The following EXT2 variants were observed in gnomAD, a reference collection of about 807,000 sequenced individuals.
EXT2 encodes exostosin-2.
EXT2 carries 53 observed loss-of-function variants against 81.6 expected under a neutral mutation model. The ratio of observed to expected loss-of-function variants is 0.65; its 90% CI spans 0.52 to 0.82. The LOEUF (loss-of-function observed/expected upper bound fraction) is 0.82. Among genes scored for constraint, EXT2 ranks in the 40% least tolerant of loss-of-function variants. The pLI, the probability that EXT2 is intolerant of heterozygous loss-of-function variation, is 0.00. For missense variants in EXT2, 774 were observed against 910.2 expected, an observed-to-expected ratio of 0.85 and a Z score of 1.93; for synonymous variants, 320 against 340.0, an observed-to-expected ratio of 0.94 and a Z score of 0.65.
intron 7 of EXT2, among the ~76,000 whole-genome samples, chr11:44,147,726 A>C (rs7110339): frequency 0.48 from 37,473 of 78,030 alleles, 5,760 homozygotes; most frequent in East Asian, 0.62. Flanking sequence ...ACCCCCAGCT[A>C]ATTTTTTTTT....
At chr11:44,098,565 G>A (rs1465511694) in intron 1 of EXT2, among the ~76,000 whole-genome samples, 2 of 151,880 alleles carry the variant, frequency 1.3e-5, no homozygotes, top group Non-Finnish European at 2.9e-5. Context: ...GATGGTGGTG[G>A]GCGCCTGTAA....
At chr11:44,171,079 A>G (rs539214984) in intron 7 of EXT2, among the ~76,000 whole-genome samples, 2 of 152,338 alleles carry the variant, frequency 1.3e-5, no homozygotes, top group South Asian at 2.1e-4. Context: ...AGAAGAGTAA[A>G]TACTGTTTGA....
chr11:44,106,339 C>T (rs929654264), intron 1 of EXT2, among the ~76,000 whole-genome samples: 2 of 152,022 alleles, frequency 1.3e-5, no homozygotes, highest in Non-Finnish European at 2.9e-5. Context: ...CTCCCTTTGT[C>T]TCTCCTACCC....
chr11:44,127,885 G>A (rs994122740), intron 6 of EXT2, among the ~76,000 whole-genome samples: 4 of 152,198 alleles, frequency 2.6e-5, no homozygotes, highest in African/African-American at 9.6e-5. Flanking sequence ...GTGTACAGAT[G>A]GACCCAGTTC....
At chr11:44,203,786 C>G (rs1482562200) in intron 9 of EXT2, among the ~76,000 whole-genome samples, 1 of 151,336 alleles carries the variant, frequency 6.6e-6, no homozygotes, top group Non-Finnish European at 1.5e-5. Flanking sequence ...AAAAGGCATA[C>G]CAGAACCAGG....
At chr11:44,105,703 C>T (rs147483709) in intron 1 of EXT2, among the ~76,000 whole-genome samples, 16 of 152,310 alleles carry the variant, frequency 1.1e-4, no homozygotes, top group East Asian at 7.7e-4. Context: ...TGCCCTCCCC[C>T]GAAACAGTAT....
At chr11:44,106,427 TGAA>T (rs1407868918) in intron 1 of EXT2, among the ~76,000 whole-genome samples, 1 of 152,232 alleles carries the variant, frequency 6.6e-6, no homozygotes, top group African/African-American at 2.4e-5. Flanking sequence ...ATGTTTTATT[TGAA>T]GATGAAAGAT....
At chr11:44,215,969 C>T (rs182902310) in intron 10 of EXT2, among the ~76,000 whole-genome samples, 147 of 151,688 alleles carry the variant, frequency 9.7e-4, no homozygotes, top group East Asian at 4.5e-3. Context: ...CTCCGCTTCC[C>T]GGGTTCACGC....
intron 6 of EXT2, 103 bp downstream of exon 6, chr11:44,127,058 TAC>T (rs1282518788): frequency 3.5e-6 from 5 of 1,425,352 alleles, no homozygotes; most frequent in Non-Finnish European, 4.9e-6. Context: ...CAAGAACTAC[TAC>T]AGATAGTTTT....
chr11:44,109,728 G>A (rs982528416), intron 3 of EXT2, among the ~76,000 whole-genome samples: 1 of 152,172 alleles, frequency 6.6e-6, no homozygotes, highest in African/African-American at 2.4e-5. Context: ...AATCAGTAGG[G>A]TTCTTTCTGT....
intron 5 of EXT2, among the ~76,000 whole-genome samples, chr11:44,125,357 C>T (rs1954385211): frequency 6.6e-6 from 1 of 152,178 alleles, no homozygotes; most frequent in South Asian, 2.1e-4. Context: ...CAACTTGCAT[C>T]CCTTGACCAT....
chr11:44,171,658 C>T lies in EXT2; in HGVS notation c.1221C>T (p.Ala407=), dbSNP rs1315721028. The part of the protein sequence containing the change: ...EAYFQSIKAI[A]LATLQIINDR... ...ACTTCCAGTCAATTAAAGCCATTGCCCTGGCCACCCTGCAGATTATCAATG... is the reference window on the plus strand; with the variant it reads ...ACTTCCAGTCAATTAAAGCCATTGCTCTGGCCACCCTGCAGATTATCAATG... Residue 407 remains alanine, a synonymous_variant, in exon 8 of 14, where the codon GCC becomes GCT. Coordinates refer to ENST00000533608, the MANE Select transcript of EXT2 (RefSeq NM_207122.2). 3 of 1,614,118 alleles carry T rather than the reference C, an allele frequency of 1.9e-6. No homozygotes were observed. The Admixed American group carries it at 5.0e-5, about 27-fold the overall frequency.
intron 1 of EXT2, among the ~76,000 whole-genome samples, chr11:44,103,048 T>C (rs2134953836): frequency 6.6e-6 from 1 of 152,278 alleles, no homozygotes; most frequent in South Asian, 2.1e-4. Context: ...TGGTTTCTGG[T>C]TTTTGTGTTT....
intron 4 of EXT2, among the ~76,000 whole-genome samples, chr11:44,121,547 C>T (rs1954316236): frequency 6.6e-6 from 1 of 152,034 alleles, no homozygotes; most frequent in African/African-American, 2.4e-5. Flanking sequence ...GATCAACCCT[C>T]TTATATTCAT....
At chr11:44,169,372 A>G (rs1006450046) in intron 7 of EXT2, among the ~76,000 whole-genome samples, 15 of 152,138 alleles carry the variant, frequency 9.9e-5, no homozygotes, top group Non-Finnish European at 1.6e-4. Context: ...GAGACGTAAT[A>G]TAATAAAGCA....
chr11:44,136,858 G>A (rs1954577229), intron 7 of EXT2, among the ~76,000 whole-genome samples: 1 of 152,138 alleles, frequency 6.6e-6, no homozygotes, highest in Non-Finnish European at 1.5e-5. Context: ...ACATTGACCT[G>A]ATCCCTGGAG....
At position 44,220,457 on chromosome 11, in the gene EXT2, A is replaced by G. The variant is rs186268807; in HGVS notation, c.1663-11896A>G. Among the ~76,000 whole-genome samples, 13 of 152,280 alleles carry G rather than the reference A, an allele frequency of 8.5e-5. No individual in the cohort carries two copies. Among genetic ancestry groups the G allele is most frequent in the Admixed American group, 8.5e-4 (13 of 15,300 alleles). Reference sequence around the variant, plus strand: ...TTTTTCACTTTTTGGAAGTACCTGAAGGGTTGCCATTATAGAGACTATTGT... The same window carrying G: ...TTTTTCACTTTTTGGAAGTACCTGAGGGGTTGCCATTATAGAGACTATTGT... On this transcript the variant is annotated intron_variant, in intron 10 of 13. Coordinates refer to ENST00000533608, the MANE Select transcript of EXT2 (RefSeq NM_207122.2). This position sits in a 1 kb window ranked among gnomAD's most constrained non-coding sequence, Gnocchi z 4.4.
intron 12 of EXT2, among the ~76,000 whole-genome samples, 160 bp downstream of exon 12, chr11:44,234,403 T>C (rs1005707649): frequency 3.3e-5 from 5 of 152,214 alleles, no homozygotes; most frequent in Non-Finnish European, 7.3e-5. Flanking sequence ...CATTGGGAAA[T>C]TGAAGCTAGG....
chr11:44,163,148 C>G (rs1351091149), intron 7 of EXT2, among the ~76,000 whole-genome samples: 3 of 152,172 alleles, frequency 2.0e-5, no homozygotes, highest in Non-Finnish European at 4.4e-5. Context: ...TCAAAAACCT[C>G]CAGTCCACAA....
Sources: allele counts gnomAD v4.1 joint callset (sites outside exome capture counted in the v4.1 genomes callset), GRCh38; gene constraint gnomAD v4.1.1; non-coding constraint Gnocchi (gnomAD v3.1); transcripts MANE v1.5; gene names NCBI Gene and HGNC (gene_info 2026-07-23, HGNC 2026-07-21).